The following FNTB variants were observed in gnomAD, a reference collection of about 807,000 sequenced individuals.
FNTB encodes the protein farnesyltransferase, CAAX box, subunit beta, also known as protein farnesyltransferase subunit beta.
FNTB carries 27 observed loss-of-function variants against 59.4 expected under a neutral mutation model. The ratio of observed to expected loss-of-function variants is 0.45; its 90% CI spans 0.34 to 0.63. The LOEUF (loss-of-function observed/expected upper bound fraction) is 0.63. FNTB is among the 20% of genes least tolerant of loss of function. FNTB has a pLI of 0.02. For missense variants in FNTB, 449 were observed against 559.6 expected, an observed-to-expected ratio of 0.80 and a Z score of 1.99; for synonymous variants, 230 against 220.7, an observed-to-expected ratio of 1.04 and a Z score of -0.37.
chr14:65,013,397 GCTA>G (rs1210405351), intron 3 of FNTB, among the ~76,000 whole-genome samples: 1 of 151,512 alleles, frequency 6.6e-6, no homozygotes, highest in East Asian at 1.9e-4. Flanking sequence ...AAATGTTGCA[GCTA>G]CTACCAGTTA....
rs180835945 is a variant in FNTB at position 65,061,165 on chromosome 14, T to A, written c.1183-16T>A. On this transcript the variant is annotated splice_polypyrimidine_tract_variant and intron_variant, in intron 11 of 11. Coordinates refer to ENST00000246166, the MANE Select transcript of FNTB (RefSeq NM_002028.4). ...CCACCGGGGTGATTAACTGGCACCT[T>A]TTCTTCTCTTTGCAGCAGCCCACTC... 1.9e-6 allele frequency: 3 copies of A among 1,613,582 alleles called. No individual in the cohort carries two copies. Among genetic ancestry groups the A allele is most frequent in the Non-Finnish European group, 2.5e-6 (3 of 1,179,628 alleles).
intron 1 of FNTB, among the ~76,000 whole-genome samples, chr14:64,989,294 AGT>A (rs1275641835): frequency 8.8e-5 from 13 of 147,184 alleles, no homozygotes; most frequent in Admixed American, 6.7e-5. Flanking sequence ...AAAAAAAAAA[AGT>A]AGCTGAGCGT....
In FNTB at chr14:65,047,872, G is replaced by A. The variant is rs1278619801; in HGVS notation, c.955+3429G>A. On this transcript the variant is annotated intron_variant, in intron 9 of 11. Transcript: ENST00000246166. This position sits in a 1 kb window ranked among gnomAD's most constrained non-coding sequence, Gnocchi z 5.2. ...GGAGCAGTGCCTGGGCACACAGCCC[G>A]AGATGTACACAGCTTTTCCTGGAAC... 4.6e-5 allele frequency among the ~76,000 whole-genome samples: 7 copies of A among 152,124 alleles called. No individual in the cohort carries two copies. Among genetic ancestry groups the A allele is most frequent in the South Asian group, 2.1e-4 (1 of 4,822 alleles).
At position 65,053,393 on chromosome 14, in the gene FNTB, G is replaced by C. The variant is rs746510603; in HGVS notation, c.1067+44G>C. The C allele has an allele frequency of 1.3e-5, 17 of 1,354,714 alleles. No homozygotes were observed. In the South Asian group the frequency reaches 3.1e-4, roughly 25 times the overall value. The allele number at this position is 1,354,714 out of a possible 1,614,324, so 83.9% of individuals were successfully genotyped here. A position where few individuals can be genotyped will look rare whatever the true frequency, so the allele number is the denominator to read the frequency against. ...GGGAGGGAAGGGAGAGGGGAGGAGAGAGCAGAGGGGCGTGCACCTCAGGCC... is the reference window on the plus strand; with the variant it reads ...GGGAGGGAAGGGAGAGGGGAGGAGACAGCAGAGGGGCGTGCACCTCAGGCC... On this transcript the variant is annotated intron_variant, in intron 10 of 11. Coordinates refer to ENST00000246166, the MANE Select transcript of FNTB (RefSeq NM_002028.4).
At chr14:64,988,478 G>T (rs1186716638) in intron 1 of FNTB, among the ~76,000 whole-genome samples, 1 of 134,094 alleles carries the variant, frequency 7.5e-6, no homozygotes, top group Non-Finnish European at 1.5e-5. Flanking sequence ...ATGGGGTCTC[G>T]CCCTGTTGCC....
chr14:65,053,141 G>T, intron 9 of FNTB, 97 bp from the exon 10 acceptor site: 1 of 961,340 alleles, frequency 1.0e-6, no homozygotes, highest in Non-Finnish European at 1.4e-6. Flanking sequence ...AGGGGAGCAG[G>T]AAACCTTGAC....
At chr14:65,005,449 T>TTTTCTTTTC (rs1555390048) in intron 2 of FNTB, among the ~76,000 whole-genome samples, 8 of 119,912 alleles carry the variant, frequency 6.7e-5, no homozygotes, top group South Asian at 3.1e-4. Context: ...TCTTCCTTTC[T>TTTTCTTTTC]TTTCTTTCTT....
At chr14:65,036,674 C>CCTT (rs2062200093) in intron 7 of FNTB, among the ~76,000 whole-genome samples, 1 of 151,712 alleles carries the variant, frequency 6.6e-6, no homozygotes. Flanking sequence ...CCCATCCTGT[C>CCTT]CTTCTTTAGC....
At position 65,040,883 on chromosome 14, in the gene FNTB, C is replaced by G. The variant is rs530614536; in HGVS notation, c.786C>G (p.Leu262=). The G allele has an allele frequency of 6.2e-7, 1 of 1,613,948 alleles. No individual in the cohort carries two copies. ...GTGGCCTGGCCGCGCTGGTAATCCT[C>G]AAGAGGGAACGTTCCTTGAACTTGA... ...TFCGLAALVI[L]KRERSLNLKS... is the part of the protein sequence containing the mutation. Residue 262 remains leucine, a synonymous_variant, in exon 8 of 12, where the codon CTC becomes CTG. Coordinates refer to ENST00000246166, the MANE Select transcript of FNTB (RefSeq NM_002028.4).
At chr14:65,046,748 G>T (rs528332570) in intron 9 of FNTB, among the ~76,000 whole-genome samples, 1 of 152,232 alleles carries the variant, frequency 6.6e-6, no homozygotes, top group East Asian at 1.9e-4. Flanking sequence ...ACAATATATT[G>T]TGATCATATC....
At position 65,044,257 on chromosome 14, in the gene FNTB, C is replaced by A. The variant is rs1474170030; in HGVS notation, c.823-54C>A. ...ATTGACTCCTGGAGATTCTGTCGGG[C>A]TGGATTTTGTCTCTTTTAGCCTACA... On this transcript the variant is annotated intron_variant, in intron 8 of 11. Transcript: ENST00000246166. This position sits in a 1 kb window ranked among gnomAD's most constrained non-coding sequence, Gnocchi z 5.5. 11 of 1,606,384 alleles carry A rather than the reference C, an allele frequency of 6.8e-6. No individual in the cohort carries two copies. The highest frequency in any genetic ancestry group is 9.3e-6 in the Non-Finnish European group (11 of 1,176,842).
chr14:65,015,771 G>A, intron 4 of FNTB, 55 bp downstream of exon 4: 1 of 1,581,808 alleles, frequency 6.3e-7, no homozygotes, highest in African/African-American at 1.3e-5. Context: ...TTTTGAGTTT[G>A]GGATTTTGTT....
rs563468928 is a variant in FNTB, at chr14:65,031,979, CGTGTGTGT to C, written c.606-598_606-591del. Among the ~76,000 whole-genome samples the C allele has an allele frequency of 3.8e-4, 53 of 141,168 alleles. No homozygotes were observed. The highest frequency in any genetic ancestry group is 5.7e-4 in the Admixed American group (8 of 14,156). 92.6% of individuals were successfully genotyped at this position (141,168 alleles called of 152,430 possible). The stretch of plus-strand genomic sequence containing the variant: ...ATAGACGTGCGCCTTTTTCATTTAA[CGTGTGTGT>C]GTGTGTGTGTGTGTGTGTGTGTGTG... On this transcript the variant is annotated intron_variant, in intron 6 of 11. Coordinates refer to ENST00000246166, the MANE Select transcript of FNTB (RefSeq NM_002028.4). The surrounding 1 kb of genome is among the most constrained non-coding windows in gnomAD (Gnocchi z 4.6).
At chr14:65,019,005 CTGTT>C (rs939650713) in intron 4 of FNTB, among the ~76,000 whole-genome samples, 7 of 151,912 alleles carry the variant, frequency 4.6e-5, no homozygotes, top group African/African-American at 1.2e-4. Context: ...ACTCAGGAGG[CTGTT>C]TGTTTGTTTT....
At chr14:65,013,479 C>T (rs8012652) in intron 3 of FNTB, among the ~76,000 whole-genome samples, 27,640 of 152,106 alleles carry the variant, frequency 0.18, 4,056 homozygotes, top group African/African-American at 0.39. Flanking sequence ...CTCAAGTCCT[C>T]AATAGTTATG....
At chr14:65,041,472 G>T (rs1183575363) in intron 8 of FNTB, among the ~76,000 whole-genome samples, 2 of 152,136 alleles carry the variant, frequency 1.3e-5, no homozygotes, top group Non-Finnish European at 2.9e-5. Context: ...GTAGTTAAAT[G>T]ATCAGTGGGT....
chr14:65,011,928 C>T lies in FNTB; in HGVS notation c.210-389C>T, dbSNP rs945351197. ...CGGCTGAGGCAGGGAAGTGGCGAGG[C>T]TCAGATTTAAATTGCTTATAGGATG... On this transcript the variant is annotated intron_variant, in intron 2 of 11. Transcript: ENST00000246166. This position sits in a 1 kb window ranked among gnomAD's most constrained non-coding sequence, Gnocchi z 4.0. Among the ~76,000 whole-genome samples, 2 of 152,108 alleles carry T rather than the reference C, an allele frequency of 1.3e-5. No individual in the cohort carries two copies. Among genetic ancestry groups the T allele is most frequent in the African/African-American group, 4.8e-5 (2 of 41,402 alleles).
Position 65,061,189 on chromosome 14 carries a change from T to C in FNTB, c.1191T>C (p.Thr397=). The C allele has an allele frequency of 6.2e-7, 1 of 1,614,106 alleles. No homozygotes were observed. The highest frequency in any genetic ancestry group is 8.5e-7 in the Non-Finnish European group (1 of 1,179,996). ...LGVPENALQP[T]HPVYNIGPDK... ...TTTTCTTCTCTTTGCAGCAGCCCAC[T>C]CACCCAGTGTACAACATTGGACCAG... Residue 397 remains threonine, a synonymous_variant, in exon 12 of 12, where the codon ACT becomes ACC. Coordinates refer to ENST00000246166, the MANE Select transcript of FNTB (RefSeq NM_002028.4).
Position 65,027,798 on chromosome 14 carries a change from A to G in FNTB, c.605+17A>G. 6.2e-7 allele frequency: 1 copy of G among 1,613,914 alleles called. No individual in the cohort carries two copies. Among genetic ancestry groups the G allele is most frequent in the Admixed American group, 1.7e-5 (1 of 59,994 alleles). On this transcript the variant is annotated intron_variant, in intron 6 of 11. Transcript: ENST00000246166. This position sits in a 1 kb window ranked among gnomAD's most constrained non-coding sequence, Gnocchi z 5.7. The stretch of plus-strand genomic sequence containing the variant: ...GGATGTGAGGTGAGTGGGGTTTTGC[A>G]CAGGCTGCCACATCAGTTGACTCTA...
Sources: gnomAD v4.1 joint callset for allele counts (sites outside exome capture counted in the v4.1 genomes callset) on GRCh38, gnomAD v4.1.1 for gene constraint, Gnocchi (gnomAD v3.1) non-coding constraint, MANE v1.5 for transcripts, NCBI Gene and HGNC (gene_info 2026-07-23, HGNC 2026-07-21) for gene names.